The following MANBA variants were observed in gnomAD, a reference collection of about 807,000 sequenced individuals.
MANBA encodes the protein mannosidase beta.
Under a neutral mutation model 111.1 loss-of-function variants are expected in MANBA, and 83 were observed. That is an observed-to-expected ratio of 0.75 (90% CI 0.63 to 0.90). The LOEUF is 0.90. Among genes scored for constraint, MANBA ranks in the 40% least tolerant of loss-of-function variants. The probability of loss-of-function intolerance (pLI) is 0.00; values close to 1 mark genes in which losing one functional copy is unlikely to be tolerated. For missense variants in MANBA, 1,036 were observed against 1,069.0 expected (o/e 0.97, Z 0.43); for synonymous variants, 370 against 378.7 (o/e 0.98, Z 0.27).
At chr4:102,678,614 A>G (rs550743321) in intron 7 of MANBA, among the ~76,000 whole-genome samples, 18 of 152,348 alleles carry the variant, frequency 1.2e-4, no homozygotes, top group African/African-American at 3.8e-4. Flanking sequence ...CAGTTAGAAA[A>G]TTAAAAATTT....
intron 1 of MANBA, chr4:102,751,492 C>T (rs1723789924): frequency 5.7e-6 from 3 of 529,326 alleles, no homozygotes; most frequent in Non-Finnish European, 1.2e-5. Flanking sequence ...TCTGAATTTG[C>T]TGACCTTAGT....
chr4:102,723,674 C>G (rs1443418372), intron 3 of MANBA, among the ~76,000 whole-genome samples, 188 bp downstream of exon 3: 1 of 152,186 alleles, frequency 6.6e-6, no homozygotes, highest in Non-Finnish European at 1.5e-5. Context: ...CACACTAACC[C>G]CATGGGGTTT....
intron 1 of MANBA, chr4:102,752,329 A>G: frequency 2.2e-6 from 3 of 1,363,270 alleles, no homozygotes; most frequent in South Asian, 2.3e-5. Context: ...ATCTGGAAGC[A>G]CAGATAGGCA....
chr4:102,700,325 AT>A (rs1170803274), intron 5 of MANBA, among the ~76,000 whole-genome samples: 2 of 130,226 alleles, frequency 1.5e-5, no homozygotes, highest in Non-Finnish European at 3.4e-5. Flanking sequence ...GGATTCATTA[AT>A]TTTTTGAAGG....
chr4:102,728,076 T>C (rs1247458284), intron 1 of MANBA: 3 of 530,410 alleles, frequency 5.7e-6, no homozygotes, highest in Non-Finnish European at 1.1e-5. Context: ...GGCACGCCCA[T>C]GGAGAAGGGT....
At chr4:102,729,950 G>T in intron 1 of MANBA, 2 of 1,102,978 alleles carry the variant, frequency 1.8e-6, no homozygotes. Flanking sequence ...GGTTAAGGGG[G>T]CTCAGCAGGC....
chr4:102,724,982 C>G (rs1246465996), intron 2 of MANBA, among the ~76,000 whole-genome samples: 1 of 152,038 alleles, frequency 6.6e-6, no homozygotes, highest in African/African-American at 2.4e-5. Context: ...TCACAAAGGC[C>G]CACATATTGT....
intron 1 of MANBA, among the ~76,000 whole-genome samples, chr4:102,749,861 C>T (rs923957686): frequency 3.9e-5 from 6 of 152,222 alleles, no homozygotes; most frequent in Non-Finnish European, 8.8e-5. Flanking sequence ...GACCAGCCAA[C>T]GCTTACCTAA....
intron 1 of MANBA, among the ~76,000 whole-genome samples, chr4:102,756,638 G>A (rs1724031885): frequency 2.0e-5 from 3 of 151,156 alleles, no homozygotes; most frequent in Non-Finnish European, 4.4e-5. Context: ...CAAAAAAAGG[G>A]AAAAAATAAA....
chr4:102,671,978 G>C (rs1009800996), intron 8 of MANBA: 1 of 401,394 alleles, frequency 2.5e-6, no homozygotes, highest in South Asian at 1.3e-4. Flanking sequence ...AGAGCACTGT[G>C]GGCTCAGCAC....
intron 1 of MANBA, chr4:102,752,392 C>T (rs1468591993): frequency 1.7e-6 from 2 of 1,154,748 alleles, no homozygotes; most frequent in Non-Finnish European, 2.6e-6. Context: ...GTCACTGTCC[C>T]TAACTTCAAA....
intron 8 of MANBA, among the ~76,000 whole-genome samples, chr4:102,673,515 A>C (rs1261141603): frequency 6.6e-6 from 1 of 152,172 alleles, no homozygotes; most frequent in Admixed American, 6.6e-5. Flanking sequence ...CTCAAAAAAA[A>C]AAAAAAGGTA....
intron 10 of MANBA, 125 bp from the exon 11 acceptor site, chr4:102,664,977 A>C: frequency 1.4e-6 from 1 of 703,716 alleles, no homozygotes; most frequent in Non-Finnish European, 2.4e-6. Flanking sequence ...CAAAAACCTA[A>C]TTTGAAAATG....
At chr4:102,759,076 G>A (rs1341752067) in intron 1 of MANBA, among the ~76,000 whole-genome samples, 1 of 151,566 alleles carries the variant, frequency 6.6e-6, no homozygotes, top group Admixed American at 6.6e-5. Context: ...TCTGTAATAT[G>A]GCACAATAAT....
At chr4:102,746,725 C>G (rs761136988) in intron 1 of MANBA, among the ~76,000 whole-genome samples, 1 of 152,226 alleles carries the variant, frequency 6.6e-6, no homozygotes, top group African/African-American at 2.4e-5. Context: ...GTCATCCCAG[C>G]ACTTTGGCAG....
intron 9 of MANBA, among the ~76,000 whole-genome samples, chr4:102,670,470 A>G (rs1000996204): frequency 3.9e-5 from 6 of 152,208 alleles, no homozygotes; most frequent in Non-Finnish European, 8.8e-5. Context: ...TTTATATTTT[A>G]GAACAACAAT....
chr4:102,731,574 A>C (rs962975853), intron 1 of MANBA, among the ~76,000 whole-genome samples: 1 of 152,108 alleles, frequency 6.6e-6, no homozygotes, highest in East Asian at 1.9e-4. Flanking sequence ...AGCTCACTAC[A>C]TGTCTCTGTG....
In MANBA at chr4:102,745,441, C is replaced by T. The variant is rs147331746; in HGVS notation, c.177+15277G>A. 2.6e-5 allele frequency among the ~76,000 whole-genome samples: 4 copies of T among 152,222 alleles called. No homozygotes were observed. In the East Asian group the frequency reaches 5.8e-4, roughly 22 times the overall value. ...CAGGACTCTTCAGAGATGCAGTTGC[C>T]GCCATCACAAATCCATTTCGCAAAG... On this transcript the variant is annotated intron_variant, in intron 1 of 16. Transcript: ENST00000647097.
chr4:102,691,547 TC>T, intron 5 of MANBA, among the ~76,000 whole-genome samples: 1 of 150,220 alleles, frequency 6.7e-6, no homozygotes, highest in Non-Finnish European at 1.5e-5. Flanking sequence ...AGGTTCTCAC[TC>T]TGTTGCCCCG....
Sources: gnomAD v4.1 joint callset for allele counts (sites outside exome capture counted in the v4.1 genomes callset) on GRCh38, gnomAD v4.1.1 for gene constraint, MANE v1.5 for transcripts, NCBI Gene and HGNC (gene_info 2026-07-23, HGNC 2026-07-21) for gene names.